The following ANTXR1 variants were observed in gnomAD, a reference collection of about 807,000 sequenced individuals.
The protein encoded by ANTXR1 is anthrax toxin receptor 1.
A neutral mutation model predicts 78.1 loss-of-function variants in ANTXR1; 19 were observed. That is an observed-to-expected ratio of 0.24 (90% confidence interval 0.17 to 0.36). The LOEUF (loss-of-function observed/expected upper bound fraction) is 0.36, where lower values mean the gene tolerates loss of function less well. Ranked by LOEUF, ANTXR1 falls within the 10% of genes least tolerant of loss-of-function variation. The probability of loss-of-function intolerance (pLI) is 1.00; values close to 1 mark genes in which losing one functional copy is unlikely to be tolerated. For synonymous variants in ANTXR1, 273 were observed against 260.5 expected (o/e 1.05, Z -0.46); for missense variants, 518 against 718.6 (o/e 0.72, Z 3.19).
intron 1 of ANTXR1, among the ~76,000 whole-genome samples, chr2:69,026,223 G>A (rs1311364694): frequency 6.6e-6 from 1 of 152,202 alleles, no homozygotes; most frequent in East Asian, 1.9e-4. Context: ...TGAGCATAGC[G>A]TTTGGACAAG....
At chr2:69,238,835 G>A (rs1236079998) in intron 17 of ANTXR1, among the ~76,000 whole-genome samples, 1 of 152,192 alleles carries the variant, frequency 6.6e-6, no homozygotes, top group Non-Finnish European at 1.5e-5. Context: ...GATGACCTCT[G>A]TTCATAGGAA....
At chr2:69,109,671 A>G (rs1671918789) in intron 10 of ANTXR1, among the ~76,000 whole-genome samples, 1 of 152,240 alleles carries the variant, frequency 6.6e-6, no homozygotes. Flanking sequence ...GTTCATTTTT[A>G]ATCTCACACC....
At chr2:69,212,226 G>A (rs1193004617) in intron 17 of ANTXR1, among the ~76,000 whole-genome samples, 1 of 152,194 alleles carries the variant, frequency 6.6e-6, no homozygotes, top group Non-Finnish European at 1.5e-5. Flanking sequence ...GGAGGAGGAG[G>A]ATGGGAGGAG....
intron 1 of ANTXR1, among the ~76,000 whole-genome samples, chr2:69,038,472 A>G (rs772438639): frequency 1.3e-5 from 2 of 152,230 alleles, no homozygotes; most frequent in Non-Finnish European, 2.9e-5. Flanking sequence ...GACCCTTTTT[A>G]CAGTGCCTAT....
chr2:69,126,728 A>C (rs1252929560), intron 12 of ANTXR1, among the ~76,000 whole-genome samples: 1 of 152,106 alleles, frequency 6.6e-6, no homozygotes, highest in Non-Finnish European at 1.5e-5. Context: ...GCCTCTAATT[A>C]AGAAGAAAAG....
chr2:69,243,673 C>A (rs1343403024), intron 17 of ANTXR1, among the ~76,000 whole-genome samples: 1 of 152,136 alleles, frequency 6.6e-6, no homozygotes, highest in East Asian at 1.9e-4. Context: ...CCACACCTCA[C>A]CCTCTTCATT....
Position 69,235,127 on chromosome 2 carries a change from G to A in ANTXR1, c.1435-10098G>A, listed in dbSNP as rs186137830. Among the ~76,000 whole-genome samples, 478 of 148,996 alleles carry A rather than the reference G, an allele frequency of 3.2e-3. 3 individuals carry two copies. Among genetic ancestry groups the A allele is most frequent in the South Asian group, 5.8e-3 (27 of 4,692 alleles). On this transcript the variant is annotated intron_variant, in intron 17 of 17. Transcript: ENST00000303714. ...CAACCTCCACCTCCTGGGTTCAAGC[G>A]ATTCTCCTGCCTCAGCCTCCTAAGT...
chr2:69,017,904 C>G (rs1671068959), intron 1 of ANTXR1, among the ~76,000 whole-genome samples: 1 of 152,068 alleles, frequency 6.6e-6, no homozygotes, highest in African/African-American at 2.4e-5. Context: ...CTCACAGCAC[C>G]CCCCCACCCT....
At chr2:69,162,436 T>C (rs941551174) in intron 13 of ANTXR1, among the ~76,000 whole-genome samples, 1 of 152,210 alleles carries the variant, frequency 6.6e-6, no homozygotes, top group Non-Finnish European at 1.5e-5. Context: ...CTTACACTAC[T>C]TGAGGTTTTG....
chr2:69,200,442 G>T lies in ANTXR1; in HGVS notation c.1434+7027G>T, dbSNP rs72903108. On this transcript the variant is annotated intron_variant, in intron 17 of 17. Transcript: ENST00000303714. ...AATAGCCTGGGCAGGTTATCCTCCA[G>T]GAGAGAGGTTATCCTCTGCCCAGTC... is the stretch of plus-strand genomic sequence containing the variant. Among the ~76,000 whole-genome samples, 1,512 of 152,334 alleles carry T rather than the reference G, an allele frequency of 9.9e-3. 26 individuals are homozygous for T. Among genetic ancestry groups the T allele is most frequent in the African/African-American group, 0.035 (1,437 of 41,578 alleles).
chr2:69,161,651 T>C (rs1470472554), intron 13 of ANTXR1, among the ~76,000 whole-genome samples: 2 of 152,216 alleles, frequency 1.3e-5, no homozygotes, highest in African/African-American at 4.8e-5. Context: ...TCAAGTTGCC[T>C]ACTTTCCCTT....
intron 17 of ANTXR1, among the ~76,000 whole-genome samples, chr2:69,202,871 T>A (rs1674808708): frequency 6.6e-6 from 1 of 152,194 alleles, no homozygotes; most frequent in Admixed American, 6.5e-5. Context: ...ATGGTAGGTA[T>A]AAATAATTTG....
chr2:69,240,556 G>C (rs1675871106), intron 17 of ANTXR1, among the ~76,000 whole-genome samples: 1 of 152,238 alleles, frequency 6.6e-6, no homozygotes, highest in Non-Finnish European at 1.5e-5. Context: ...TTGAGCTGGA[G>C]AGTGAATTGA....
At chr2:69,106,938 A>G (rs1305821711) in intron 10 of ANTXR1, among the ~76,000 whole-genome samples, 2 of 152,252 alleles carry the variant, frequency 1.3e-5, no homozygotes, top group African/African-American at 4.8e-5. Context: ...GACATGAAAC[A>G]GATCATAGGG....
At chr2:69,223,312 T>C (rs576892219) in intron 17 of ANTXR1, among the ~76,000 whole-genome samples, 47 of 152,356 alleles carry the variant, frequency 3.1e-4, no homozygotes, top group Non-Finnish European at 5.9e-4. Flanking sequence ...GAATTCTAAA[T>C]TCTAAATTCT....
At chr2:69,219,137 A>C in intron 17 of ANTXR1, among the ~76,000 whole-genome samples, 1 of 152,198 alleles carries the variant, frequency 6.6e-6, no homozygotes, top group Admixed American at 6.5e-5. Flanking sequence ...AGCTTGCCCC[A>C]GAGCCAGCCT....
intron 14 of ANTXR1, chr2:69,172,628 A>G (rs1674020420): frequency 2.2e-6 from 2 of 928,632 alleles, no homozygotes. Flanking sequence ...TATCAACATC[A>G]TATTCTGAGA....
chr2:69,118,548 T>C (rs1196272320), intron 10 of ANTXR1, among the ~76,000 whole-genome samples: 2 of 152,200 alleles, frequency 1.3e-5, no homozygotes, highest in African/African-American at 4.8e-5. Context: ...AGTGGGCCAG[T>C]CCGAGCTCCT....
At chr2:69,146,948 C>G (rs945105470) in intron 12 of ANTXR1, among the ~76,000 whole-genome samples, 1 of 152,246 alleles carries the variant, frequency 6.6e-6, no homozygotes, top group African/African-American at 2.4e-5. Context: ...AGCAGCAGTC[C>G]CGACCCTCCT....
Sources: allele counts gnomAD v4.1 joint callset (sites outside exome capture counted in the v4.1 genomes callset), GRCh38; gene constraint gnomAD v4.1.1; transcripts MANE v1.5; gene names NCBI Gene and HGNC (gene_info 2026-07-23, HGNC 2026-07-21).